LIFR: variants seen among roughly 807,000 people sequenced by gnomAD.
The protein encoded by LIFR is leukemia inhibitory factor receptor.
In LIFR, 84 loss-of-function variants were observed where a neutral mutation model predicts 122.2. The ratio of observed to expected loss-of-function variants is 0.69; its 90% confidence interval spans 0.58 to 0.82. LIFR has a LOEUF of 0.82. Among genes scored for constraint, LIFR ranks in the 40% least tolerant of loss-of-function variants. The pLI, the probability that LIFR is intolerant of heterozygous loss-of-function variation, is 0.00. For synonymous variants in LIFR, 422 were observed against 434.7 expected (o/e 0.97, Z 0.36); for missense variants, 1,294 against 1,311.6 (o/e 0.99, Z 0.21).
At chr5:38,507,279 T>C (rs553363421) in intron 7 of LIFR, among the ~76,000 whole-genome samples, 9 of 150,822 alleles carry the variant, frequency 6.0e-5, no homozygotes, top group Non-Finnish European at 1.2e-4. Context: ...AAGTGATAAA[T>C]GAGCCCAGGT....
chr5:38,577,012 G>A (rs76226159), intron 1 of LIFR, among the ~76,000 whole-genome samples: 2,687 of 152,352 alleles, frequency 0.018, 47 homozygotes, highest in Middle Eastern at 0.034. Flanking sequence ...CAAGCTGTCA[G>A]TGGAATCGAT....
intron 4 of LIFR, 43 bp from the exon 5 acceptor site, chr5:38,523,625 T>G: frequency 6.7e-7 from 1 of 1,494,824 alleles, no homozygotes; most frequent in Non-Finnish European, 9.3e-7. Flanking sequence ...GTAAAATAAG[T>G]AATGATTTTT....
chr5:38,553,669 T>G (rs1748359440), intron 1 of LIFR, among the ~76,000 whole-genome samples: 1 of 114,876 alleles, frequency 8.7e-6, no homozygotes, highest in South Asian at 2.7e-4. Context: ...TATATATATA[T>G]ATATTATATG....
chr5:38,504,648 C>A (rs761281387), intron 9 of LIFR, among the ~76,000 whole-genome samples: 1 of 151,996 alleles, frequency 6.6e-6, no homozygotes, highest in Non-Finnish European at 1.5e-5. Flanking sequence ...GAAGGTACAG[C>A]GAGGCAAACT....
intron 2 of LIFR, among the ~76,000 whole-genome samples, chr5:38,605,670 T>C (rs1320517976): frequency 2.0e-5 from 3 of 152,154 alleles, no homozygotes; most frequent in Non-Finnish European, 2.9e-5. Context: ...CATACCTTCC[T>C]CACAGGGAAA....
rs550391667 is a variant in LIFR at position 38,532,065 on chromosome 5, G to C, written c.-19-1399C>G. The stretch of plus-strand genomic sequence containing the variant: ...ATTATACAACTGTACAAGAATAACT[G>C]AGTAATGGAGCCAAACATGACCCTA... On this transcript the variant is annotated intron_variant, in intron 1 of 19. Transcript: ENST00000453190. Among the ~76,000 whole-genome samples the C allele has an allele frequency of 2.6e-5, 4 of 152,292 alleles. No homozygotes were observed. In the East Asian group the frequency reaches 7.7e-4, roughly 29 times the overall value.
At chr5:38,583,018 C>A (rs1749638117) in intron 1 of LIFR, among the ~76,000 whole-genome samples, 1 of 152,178 alleles carries the variant, frequency 6.6e-6, no homozygotes, top group Non-Finnish European at 1.5e-5. Flanking sequence ...GTTTATTTGT[C>A]TGTTTCCTCT....
At chr5:38,531,214 G>A (rs1365257473) in intron 1 of LIFR, among the ~76,000 whole-genome samples, 3 of 152,060 alleles carry the variant, frequency 2.0e-5, no homozygotes. Flanking sequence ...GGACATTTAG[G>A]GATCCCCCAG....
At chr5:38,493,816 C>T (rs1744729789) in intron 13 of LIFR, 31 bp from the exon 14 acceptor site, 2 of 1,563,362 alleles carry the variant, frequency 1.3e-6, no homozygotes, top group Admixed American at 3.3e-5. Context: ...ATTTTACTGG[C>T]ATTAAAAACA....
In LIFR at chr5:38,481,906, G is replaced by T; in HGVS notation, c.2983C>A (p.Pro995Thr). 1 of 1,614,066 alleles carries T rather than the reference G, an allele frequency of 6.2e-7. No individual in the cohort carries two copies. The highest frequency in any genetic ancestry group is 1.1e-5 in the South Asian group (1 of 91,078). ...AKPEEEQENDPVGGAGYKPQM... is the reference protein window; with the variant it reads ...AKPEEEQENDTVGGAGYKPQM... The stretch of plus-strand genomic sequence containing the variant: ...GGCTTATAGCCTGCCCCTCCTACAG[G>T]GTCATTTTCTTGTTCTTCTTCTGGT... The change falls in exon 20 of 20, where the codon CCT (proline) becomes ACT (threonine). Residue 995 changes from proline (P) to threonine (T), a missense_variant. Coordinates refer to ENST00000453190, the MANE Select transcript of LIFR (RefSeq NM_001127671.2).
At chr5:38,534,094 G>A (rs1747164066) in intron 1 of LIFR, among the ~76,000 whole-genome samples, 1 of 152,224 alleles carries the variant, frequency 6.6e-6, no homozygotes, top group Non-Finnish European at 1.5e-5. Context: ...CACACAGGCA[G>A]TAAACAGTAC....
At position 38,504,603 on chromosome 5, in the gene LIFR, T is replaced by A. The variant is rs1231194503; in HGVS notation, c.1292-482A>T. Among the ~76,000 whole-genome samples, 3 of 151,852 alleles carry A rather than the reference T, an allele frequency of 2.0e-5. No homozygotes were observed. The East Asian group carries it at 5.8e-4, about 29-fold the overall frequency. On this transcript the variant is annotated intron_variant, in intron 9 of 19. Coordinates refer to ENST00000453190, the MANE Select transcript of LIFR (RefSeq NM_001127671.2). Reference sequence around the variant, plus strand: ...TCAGACAAAAATTAGCCAAAAAAAATGCAGAAAAGCATTTTAGGCAGAGAT... The same window carrying A: ...TCAGACAAAAATTAGCCAAAAAAAAAGCAGAAAAGCATTTTAGGCAGAGAT...
rs187332271 is a variant in LIFR, at chr5:38,535,476, C to T, written c.-19-4810G>A. ...AATCTTCCTAGAACACAGCCACGCC[C>T]ACTAGTTTAAGTATAACCTATGACT... is the stretch of plus-strand genomic sequence containing the variant. On this transcript the variant is annotated intron_variant, in intron 1 of 19. Coordinates refer to ENST00000453190, the MANE Select transcript of LIFR (RefSeq NM_001127671.2). Among the ~76,000 whole-genome samples the T allele has an allele frequency of 2.8e-4, 42 of 152,304 alleles. No homozygotes were observed. In the East Asian group the frequency reaches 7.7e-3, roughly 28 times the overall value.
intron 1 of LIFR, among the ~76,000 whole-genome samples, chr5:38,562,068 A>G (rs1299834620): frequency 2.6e-5 from 4 of 152,196 alleles, no homozygotes; most frequent in Non-Finnish European, 5.9e-5. Context: ...ATGTGAAGAC[A>G]GCCAGTGACA....
intron 11 of LIFR, 100 bp downstream of exon 11, chr5:38,502,537 G>A (rs1745235925): frequency 2.0e-6 from 2 of 988,982 alleles, no homozygotes; most frequent in Non-Finnish European, 3.2e-6. Flanking sequence ...GGGATTACAG[G>A]TGTGACCCAC....
At chr5:38,516,163 T>G (rs1405582580) in intron 5 of LIFR, among the ~76,000 whole-genome samples, 1 of 152,168 alleles carries the variant, frequency 6.6e-6, no homozygotes, top group Non-Finnish European at 1.5e-5. Context: ...ACACATGTTG[T>G]AGAATGAGCT....
rs36122781 is a variant in LIFR at position 38,517,942 on chromosome 5, GAA to G, written c.561+5475_561+5476del. Among the ~76,000 whole-genome samples, 165 of 120,626 alleles carry G rather than the reference GAA, an allele frequency of 1.4e-3. 1 individual carries two copies. Among genetic ancestry groups the G allele is most frequent in the African/African-American group, 4.6e-3 (147 of 31,896 alleles). 79.1% of individuals were successfully genotyped at this position (120,626 alleles called of 152,430 possible). A position where few individuals can be genotyped will look rare whatever the true frequency, so the allele number is the denominator to read the frequency against. ...CAAAAAAGTGAGACCCCATCTCTAT[GAA>G]AAAAAAAAAAACAAACAAAAAAAAA... On this transcript the variant is annotated intron_variant, in intron 5 of 19. Coordinates refer to ENST00000453190, the MANE Select transcript of LIFR (RefSeq NM_001127671.2).
At position 38,592,160 on chromosome 5, in the gene LIFR, A is replaced by G. The variant is rs560938859; in HGVS notation, c.-20+3101T>C. On this transcript the variant is annotated intron_variant, in intron 1 of 19. Coordinates refer to the LIFR transcript ENST00000263409. ...GTGCCACAATCATCTGAACTGACAT[A>G]TATTAGCCCACTAACTATGGCCTTG... is the stretch of plus-strand genomic sequence containing the variant. 9.2e-5 allele frequency among the ~76,000 whole-genome samples: 14 copies of G among 152,272 alleles called. No individual in the cohort carries two copies. The South Asian group carries it at 2.7e-3, about 29-fold the overall frequency.
chr5:38,529,275 A>C (rs1026657632), intron 2 of LIFR, among the ~76,000 whole-genome samples: 1 of 152,138 alleles, frequency 6.6e-6, no homozygotes, highest in Non-Finnish European at 1.5e-5. Context: ...GGAAAAAACA[A>C]AAAACAAAAA....
Sources: gnomAD v4.1 joint callset for allele counts (sites outside exome capture counted in the v4.1 genomes callset) on GRCh38, gnomAD v4.1.1 for gene constraint, MANE v1.5 for transcripts, NCBI Gene and HGNC (gene_info 2026-07-23, HGNC 2026-07-21) for gene names.